ZC3H13: variants seen among roughly 807,000 people sequenced by gnomAD.
ZC3H13 encodes the protein zinc finger CCCH domain-containing protein 13.
ZC3H13 carries 64 observed loss-of-function variants against 204.1 expected under a neutral mutation model. The observed-to-expected ratio is 0.31, with a 90% CI of 0.26 to 0.39. The LOEUF is 0.39. ZC3H13 is among the 10% of genes least tolerant of loss of function. The pLI, the probability that ZC3H13 is intolerant of heterozygous loss-of-function variation, is 1.00. For missense variants in ZC3H13, 1,833 were observed against 2,082.7 expected, an observed-to-expected ratio of 0.88 and a Z score of 2.33; for synonymous variants, 667 against 693.7, an observed-to-expected ratio of 0.96 and a Z score of 0.60.
intron 8 of ZC3H13, among the ~76,000 whole-genome samples, chr13:45,990,396 T>A (rs545645679): frequency 2.7e-4 from 41 of 152,312 alleles, no homozygotes; most frequent in African/African-American, 8.7e-4. Flanking sequence ...AGGAATGTGA[T>A]CTAATATATT....
chr13:46,036,053 C>T (rs557317562), intron 4 of ZC3H13, among the ~76,000 whole-genome samples: 1 of 150,934 alleles, frequency 6.6e-6, no homozygotes, highest in African/African-American at 2.4e-5. Context: ...GAGGCTGAGG[C>T]AGGAGGATTG....
intron 8 of ZC3H13, among the ~76,000 whole-genome samples, chr13:45,996,979 G>C (rs535248550): frequency 6.6e-6 from 1 of 152,306 alleles, no homozygotes; most frequent in South Asian, 2.1e-4. Flanking sequence ...GAGGATAAGA[G>C]GGGCAGAAAT....
intron 4 of ZC3H13, among the ~76,000 whole-genome samples, chr13:46,031,092 G>C (rs563436834): frequency 1.3e-5 from 2 of 152,086 alleles, no homozygotes; most frequent in Non-Finnish European, 2.9e-5. Flanking sequence ...CAGATCAGTG[G>C]AAAATAATAA....
At chr13:46,027,784 A>G (rs556461544) in intron 4 of ZC3H13, among the ~76,000 whole-genome samples, 8 of 152,340 alleles carry the variant, frequency 5.3e-5, no homozygotes, top group African/African-American at 1.9e-4. Flanking sequence ...CTCTAGGGTA[A>G]CCACCAAAAA....
At chr13:46,031,631 A>G (rs2042906092) in intron 4 of ZC3H13, among the ~76,000 whole-genome samples, 1 of 152,222 alleles carries the variant, frequency 6.6e-6, no homozygotes, top group South Asian at 2.1e-4. Flanking sequence ...AAAGACCTGA[A>G]CAATCTCACC....
At chr13:45,960,254 G>A (rs1437575491) in intron 17 of ZC3H13, among the ~76,000 whole-genome samples, 2 of 152,010 alleles carry the variant, frequency 1.3e-5, no homozygotes, top group African/African-American at 4.8e-5. Context: ...ACCGCCCCCA[G>A]CCCCAGGGAA....
intron 4 of ZC3H13, among the ~76,000 whole-genome samples, chr13:46,035,993 CAAGGT>C (rs1279875091): frequency 1.3e-5 from 2 of 151,400 alleles, no homozygotes; most frequent in African/African-American, 4.9e-5. Flanking sequence ...AGAAAAAGAA[CAAGGT>C]AAGGCCAAGT....
Position 46,010,585 on chromosome 13 carries a change from C to T in ZC3H13, c.589-80G>A, listed in dbSNP as rs977437806. 12 of 1,427,148 alleles carry T rather than the reference C, an allele frequency of 8.4e-6. No individual in the cohort carries two copies. The Admixed American group carries it at 2.2e-4, about 26-fold the overall frequency. 88.4% of individuals were successfully genotyped at this position (1,427,148 alleles called of 1,614,324 possible). A position where few individuals can be genotyped will look rare whatever the true frequency, so the allele number is the denominator to read the frequency against. On this transcript the variant is annotated intron_variant, in intron 6 of 18. Coordinates refer to ENST00000679008, the MANE Select transcript of ZC3H13 (RefSeq NM_001330564.2). ...AGACTTACAGTATTTTAGAATCACA[C>T]CAAACTTCAGATTAAAATTAAATAT... is the stretch of plus-strand genomic sequence containing the variant.
At chr13:46,030,904 C>A (rs551431860) in intron 4 of ZC3H13, among the ~76,000 whole-genome samples, 1 of 152,254 alleles carries the variant, frequency 6.6e-6, no homozygotes, top group East Asian at 1.9e-4. Context: ...GTAATCCCCA[C>A]CAAAAAACCC....
In ZC3H13 at chr13:45,956,933, A is replaced by T; in HGVS notation, c.*194T>A. ...TTATTTTGCATGAGTGTCAAATACT[A>T]TGTAAAAATTAACGTAAAATCTTAA... is the stretch of plus-strand genomic sequence containing the variant. On this transcript the variant is annotated 3_prime_UTR_variant, in exon 19 of 19. Transcript: ENST00000679008. 1 of 401,110 alleles carries T rather than the reference A, an allele frequency of 2.5e-6. No individual in the cohort carries two copies. The allele number at this position is 401,110 out of a possible 1,614,324, so 24.8% of individuals were successfully genotyped here.
Position 46,041,792 on chromosome 13 carries a change from T to C in ZC3H13, c.339+372A>G, listed in dbSNP as rs1213217661. ...ATGTGTTTTGCTTTCATTGTTTTCATTTGTAAGTGTTCTACTGCAAGCCAC... is the reference window on the plus strand; with the variant it reads ...ATGTGTTTTGCTTTCATTGTTTTCACTTGTAAGTGTTCTACTGCAAGCCAC... On this transcript the variant is annotated intron_variant, in intron 4 of 18. Coordinates refer to ENST00000679008, the MANE Select transcript of ZC3H13 (RefSeq NM_001330564.2). Among the ~76,000 whole-genome samples the C allele has an allele frequency of 2.0e-5, 3 of 152,184 alleles. No homozygotes were observed. The East Asian group carries it at 5.8e-4, about 29-fold the overall frequency.
At chr13:45,958,414 A>G (rs958983541) in intron 18 of ZC3H13, among the ~76,000 whole-genome samples, 6 of 152,158 alleles carry the variant, frequency 3.9e-5, no homozygotes, top group African/African-American at 1.2e-4. Flanking sequence ...GTAGTCCTCA[A>G]CTGAAATGCT....
At position 45,969,746 on chromosome 13, in the gene ZC3H13, C is replaced by A; in HGVS notation, c.2798G>T (p.Arg933Leu). 1.2e-6 allele frequency: 2 copies of A among 1,613,822 alleles called. No homozygotes were observed. The highest frequency in any genetic ancestry group is 1.7e-6 in the Non-Finnish European group (2 of 1,180,006). Residue 933 changes from arginine to leucine, a missense_variant, in exon 14 of 19, where the codon CGT becomes CTT. Around this residue, in one of 5 missense-constraint regions of ZC3H13, gnomAD observed 1,574 missense variants for 1,757.2 expected, o/e 0.90. Transcript: ENST00000679008. ...QTEILESSRMRAQDIIGHHQS... is the reference protein window; with the variant it reads ...QTEILESSRMLAQDIIGHHQS... ...GTGGTGTCCTATAATGTCCTGTGCA[C>A]GCATTCTTGAGCTTTCCAGGATTTC...
At position 45,970,569 on chromosome 13, in the gene ZC3H13, G is replaced by A. The variant is rs549887545; in HGVS notation, c.2469-104C>T. 675 of 875,990 alleles carry A rather than the reference G, an allele frequency of 7.7e-4. 1 individual carries two copies. In the Middle Eastern group the frequency reaches 0.013, roughly 16 times the overall value. The allele number at this position is 875,990 out of a possible 1,614,324, so 54.3% of individuals were successfully genotyped here. A position where few individuals can be genotyped will look rare whatever the true frequency, so the allele number is the denominator to read the frequency against. On this transcript the variant is annotated intron_variant, in intron 12 of 18. Transcript: ENST00000679008. ...TTTACTATAACTGGAACATATAATT[G>A]TAGGAAAGCAATATTGCCAGAGTGT... is the stretch of plus-strand genomic sequence containing the variant.
At chr13:46,020,318 G>T in intron 5 of ZC3H13, 131 bp downstream of exon 5, 1 of 728,860 alleles carries the variant, frequency 1.4e-6, no homozygotes, top group Non-Finnish European at 2.3e-6. Flanking sequence ...AATTCAGTAA[G>T]ATAGAAATAT....
Position 45,954,484 on chromosome 13 carries a change from T to C in ZC3H13, c.*2643A>G, listed in dbSNP as rs1342322882. The C allele has an allele frequency of 6.6e-6, 1 of 151,586 alleles. No individual in the cohort carries two copies. Among genetic ancestry groups the C allele is most frequent in the Non-Finnish European group, 1.5e-5 (1 of 67,888 alleles). The allele number at this position is 151,586 out of a possible 1,614,324, so 9.4% of individuals were successfully genotyped here. On this transcript the variant is annotated 3_prime_UTR_variant, in exon 19 of 19. Transcript: ENST00000679008. ...ACAAAATTAATGAATAAAGAAAGTT[T>C]ATTGGAGATTATTAAAGAAAAATGA...
Position 46,010,521 on chromosome 13 carries a change from G to T in ZC3H13, c.589-16C>A. ...CTGGTGAAACCTTTAAAAAAATTCA[G>T]TAAGTCAATTCAGAAATTCCTCCAC... On this transcript the variant is annotated splice_polypyrimidine_tract_variant and intron_variant, in intron 6 of 18. Transcript: ENST00000679008. 6.3e-7 allele frequency: 1 copy of T among 1,598,578 alleles called. No individual in the cohort carries two copies. The highest frequency in any genetic ancestry group is 8.6e-7 in the Non-Finnish European group (1 of 1,168,244).
At chr13:46,045,704 C>G (rs563873774) in intron 1 of ZC3H13, among the ~76,000 whole-genome samples, 188 bp from the exon 2 acceptor site, 23 of 151,804 alleles carry the variant, frequency 1.5e-4, no homozygotes, top group African/African-American at 5.3e-4. Context: ...CTAAAACATG[C>G]CTTACTGGTG....
intron 15 of ZC3H13, among the ~76,000 whole-genome samples, chr13:45,967,189 T>C (rs1480309862): frequency 6.6e-6 from 1 of 152,224 alleles, no homozygotes; most frequent in Non-Finnish European, 1.5e-5. Flanking sequence ...ATCTTATTTT[T>C]TTAACATCTA....
Sources: allele counts gnomAD v4.1 joint callset (sites outside exome capture counted in the v4.1 genomes callset), GRCh38; gene constraint gnomAD v4.1.1; regional missense constraint gnomAD v4.1.1; transcripts MANE v1.5; gene names NCBI Gene and HGNC (gene_info 2026-07-23, HGNC 2026-07-21).